FILIP1: variants seen among roughly 807,000 people sequenced by gnomAD.
FILIP1 encodes the protein filamin A interacting protein 1, also known as filamin-A-interacting protein 1.
In FILIP1, 61 loss-of-function variants were observed where a neutral mutation model predicts 102.1. The ratio of observed to expected loss-of-function variants is 0.60; its 90% CI spans 0.49 to 0.74. FILIP1 has a LOEUF of 0.74. Ranked by LOEUF, FILIP1 falls within the 30% of genes least tolerant of loss-of-function variation. The probability of loss-of-function intolerance (pLI) is 0.00; values close to 1 mark genes in which losing one functional copy is unlikely to be tolerated. For missense variants in FILIP1, 1,314 were observed against 1,441.2 expected, an observed-to-expected ratio of 0.91 and a Z score of 1.43; for synonymous variants, 491 against 526.9, an observed-to-expected ratio of 0.93 and a Z score of 0.93.
intron 1 of FILIP1, among the ~76,000 whole-genome samples, chr6:75,490,308 G>T (rs1396700126): frequency 6.6e-6 from 1 of 152,030 alleles, no homozygotes; most frequent in Non-Finnish European, 1.5e-5. Context: ...TAAATACTAA[G>T]AGAATGTTTT....
chr6:75,476,141 G>A (rs575615200), intron 1 of FILIP1, among the ~76,000 whole-genome samples: 7 of 151,612 alleles, frequency 4.6e-5, no homozygotes, highest in African/African-American at 7.3e-5. Context: ...CTCAGGAGGC[G>A]GAGGCAGGAG....
At chr6:75,291,971 T>A (rs537708457) in exon 7 of FILIP1, 1 of 152,364 alleles carries the variant, frequency 6.6e-6, no homozygotes, top group South Asian at 2.1e-4. Context: ...TTGATAAACA[T>A]AGTTGACTTT....
intron 3 of FILIP1, chr6:75,361,830 T>C (rs1219313205): frequency 1.3e-5 from 2 of 152,210 alleles, no homozygotes; most frequent in Non-Finnish European, 2.9e-5. Flanking sequence ...TCCTATCTTA[T>C]AATCATCTCT....
chr6:75,402,694 G>A (rs182665446), intron 2 of FILIP1, among the ~76,000 whole-genome samples: 57 of 152,260 alleles, frequency 3.7e-4, no homozygotes, highest in African/African-American at 1.3e-3. Flanking sequence ...AATTCCATCT[G>A]AACTGATTAT....
At chr6:75,333,646 C>A (rs1774150347) in intron 4 of FILIP1, among the ~76,000 whole-genome samples, 1 of 152,118 alleles carries the variant, frequency 6.6e-6, no homozygotes, top group Admixed American at 6.6e-5. Context: ...ATACCATCTG[C>A]CCCCATTTCA....
intron 4 of FILIP1, among the ~76,000 whole-genome samples, chr6:75,338,424 C>T (rs956132429): frequency 7.2e-5 from 11 of 152,156 alleles, no homozygotes; most frequent in Admixed American, 7.2e-4. Context: ...AAAAAGAGTG[C>T]GCACACAGTC....
chr6:75,438,973 C>T (rs1472931312), intron 1 of FILIP1, among the ~76,000 whole-genome samples: 1 of 152,196 alleles, frequency 6.6e-6, no homozygotes, highest in Non-Finnish European at 1.5e-5. Context: ...CTGCCAGAGA[C>T]AGGGGTTACA....
chr6:75,410,461 C>T (rs1241194135), intron 2 of FILIP1, among the ~76,000 whole-genome samples: 2 of 151,036 alleles, frequency 1.3e-5, no homozygotes, highest in African/African-American at 4.9e-5. Flanking sequence ...GGGTTTGTTA[C>T]ATAGGTATAC....
chr6:75,356,570 G>GC (rs1775009093), intron 3 of FILIP1, among the ~76,000 whole-genome samples: 1 of 151,738 alleles, frequency 6.6e-6, no homozygotes, highest in African/African-American at 2.4e-5. Flanking sequence ...CTCGGTTCAA[G>GC]CAATTCTCCT....
At chr6:75,318,579 A>G (rs1773526674) in intron 4 of FILIP1, among the ~76,000 whole-genome samples, 1 of 152,066 alleles carries the variant, frequency 6.6e-6, no homozygotes, top group South Asian at 2.1e-4. Flanking sequence ...TTTTTTTCTA[A>G]TAAAAAAGTT....
intron 1 of FILIP1, among the ~76,000 whole-genome samples, chr6:75,464,111 C>G (rs1779101079): frequency 6.6e-6 from 1 of 152,176 alleles, no homozygotes; most frequent in African/African-American, 2.4e-5. Flanking sequence ...ACATCAGACC[C>G]TTGACGTCAT....
Position 75,312,443 on chromosome 6 carries a change from G to T in FILIP1, c.3389C>A (p.Thr1130Asn). The change falls in exon 5 of 6, where the codon ACC (threonine) becomes AAC (asparagine). Residue 1130 changes from threonine to asparagine, a missense_variant. Physicochemically the swap from Thr to Asn is moderately conservative, Grantham distance 65. Around this residue, in one of 3 missense-constraint regions of FILIP1, gnomAD observed 816 missense variants for 913.1 expected, o/e 0.89. Transcript: ENST00000237172. Reference protein sequence around the residue: ...PGASKVTSTITITPVTTSSAR... With the variant: ...PGASKVTSTINITPVTTSSAR... ...AGATGACGTTGTGACCGGTGTTATG[G>T]TGATAGTGCTCGTCACTTTGCTTGC... is the stretch of plus-strand genomic sequence containing the variant. The T allele has an allele frequency of 1.2e-6, 2 of 1,614,162 alleles. No homozygotes were observed. The highest frequency in any genetic ancestry group is 1.7e-6 in the Non-Finnish European group (2 of 1,180,038).
intron 1 of FILIP1, among the ~76,000 whole-genome samples, chr6:75,463,413 A>C (rs1779081186): frequency 2.0e-5 from 3 of 152,258 alleles, no homozygotes; most frequent in Admixed American, 2.0e-4. Context: ...AGAAAGAAAA[A>C]TAACTAGCTA....
At chr6:75,360,450 T>A (rs978211562) in intron 3 of FILIP1, among the ~76,000 whole-genome samples, 27 of 152,080 alleles carry the variant, frequency 1.8e-4, no homozygotes, top group Admixed American at 4.6e-4. Flanking sequence ...TGAGTCCAGG[T>A]TTTTTTTACT....
Position 75,313,628 on chromosome 6 carries a change from AT to A in FILIP1, c.2203del (p.Met735Ter), listed in dbSNP as rs1217891933. ...CTGAGAAAGCTGATCTTCTTTGTTCATTAATTCGTGAATCTTCTCTTTAAGA... is the reference window on the plus strand; with the variant it reads ...CTGAGAAAGCTGATCTTCTTTGTTCATAATTCGTGAATCTTCTCTTTAAGA... ...QALKEKIHEL[M>X]NKEDQLSQLQ... On this transcript the variant is annotated frameshift_variant, in exon 5 of 6. Transcript: ENST00000237172. LOFTEE classifies it high-confidence loss of function. This position sits in a 1 kb window ranked among gnomAD's most constrained non-coding sequence, Gnocchi z 4.2. 1 of 1,599,656 alleles carries A rather than the reference AT, an allele frequency of 6.3e-7. No individual in the cohort carries two copies. The highest frequency in any genetic ancestry group is 1.1e-5 in the South Asian group (1 of 87,822).
In FILIP1 at chr6:75,489,543, A is replaced by G. The variant is rs188811493; in HGVS notation, c.-7+3871T>C. 3.2e-3 allele frequency among the ~76,000 whole-genome samples: 487 copies of G among 152,248 alleles called. 1 individual carries two copies. The highest frequency in any genetic ancestry group is 0.012 in the South Asian group (57 of 4,826). On this transcript the variant is annotated intron_variant, in intron 1 of 5. Transcript: ENST00000237172. ...TTTATTGAAGAATAAATTATAAACT[A>G]TAGATTTTATAAGTCATTTAATGTT... is the stretch of plus-strand genomic sequence containing the variant.
chr6:75,464,802 T>G (rs1779117653), intron 1 of FILIP1, among the ~76,000 whole-genome samples: 1 of 152,226 alleles, frequency 6.6e-6, no homozygotes, highest in East Asian at 1.9e-4. Flanking sequence ...CTGGTCCTCC[T>G]GTAGCCTTCC....
chr6:75,469,849 T>C (rs548569801), intron 1 of FILIP1, among the ~76,000 whole-genome samples: 2 of 152,192 alleles, frequency 1.3e-5, no homozygotes, highest in African/African-American at 2.4e-5. Flanking sequence ...CCAAAGACAA[T>C]TGTGATTATG....
chr6:75,469,103 A>C (rs1336747424), intron 1 of FILIP1, among the ~76,000 whole-genome samples: 1 of 152,062 alleles, frequency 6.6e-6, no homozygotes, highest in Non-Finnish European at 1.5e-5. Context: ...ATTAAATTCT[A>C]TTATTAATTC....
Sources: allele counts gnomAD v4.1 joint callset (sites outside exome capture counted in the v4.1 genomes callset), GRCh38; gene constraint gnomAD v4.1.1; regional missense constraint gnomAD v4.1.1; non-coding constraint Gnocchi (gnomAD v3.1); transcripts MANE v1.5; gene names NCBI Gene and HGNC (gene_info 2026-07-23, HGNC 2026-07-21).